The following ROR1 variants were observed in gnomAD, a reference collection of about 807,000 sequenced individuals.
ROR1 encodes ROR family WNT receptor 1, also known as inactive tyrosine-protein kinase transmembrane receptor ROR1.
Under a neutral mutation model 78.8 loss-of-function variants are expected in ROR1, and 19 were observed. That is an observed-to-expected ratio of 0.24 (90% CI 0.17 to 0.35). The LOEUF is 0.35. Among genes scored for constraint, ROR1 ranks in the 10% least tolerant of loss-of-function variants. The probability of loss-of-function intolerance (pLI) is 1.00; values close to 1 mark genes in which losing one functional copy is unlikely to be tolerated. For synonymous variants in ROR1, 386 were observed against 433.6 expected (o/e 0.89, Z 1.36); for missense variants, 917 against 1,177.8 (o/e 0.78, Z 3.24).
At chr1:64,099,296 T>C (rs1235218621) in intron 4 of ROR1, among the ~76,000 whole-genome samples, 2 of 152,146 alleles carry the variant, frequency 1.3e-5, no homozygotes, top group Non-Finnish European at 1.5e-5. Context: ...GATTGATATG[T>C]TAAATCTGTG....
chr1:63,986,891 C>CAA (rs566117923), intron 1 of ROR1, among the ~76,000 whole-genome samples: 2 of 120,218 alleles, frequency 1.7e-5, no homozygotes, highest in Admixed American at 8.9e-5. Context: ...GACCCTGTCT[C>CAA]AAAAAAAAAA....
chr1:64,092,521 A>G (rs1647208063), intron 4 of ROR1, among the ~76,000 whole-genome samples: 1 of 152,156 alleles, frequency 6.6e-6, no homozygotes. Context: ...AGTCTGTCCT[A>G]CAAGGGATGT....
intron 1 of ROR1, among the ~76,000 whole-genome samples, chr1:63,807,260 A>C (rs987050240): frequency 2.0e-4 from 31 of 152,296 alleles, no homozygotes; most frequent in South Asian, 4.1e-4. Flanking sequence ...TGAAATCACT[A>C]ATGATGGGCA....
chr1:64,027,896 C>T (rs911746420), intron 2 of ROR1, among the ~76,000 whole-genome samples: 6 of 152,020 alleles, frequency 3.9e-5, no homozygotes, highest in African/African-American at 1.4e-4. Context: ...CCATGTTGGC[C>T]AGGATAGTCT....
chr1:63,935,954 A>G (rs1049888613), intron 1 of ROR1, among the ~76,000 whole-genome samples: 1 of 152,226 alleles, frequency 6.6e-6, no homozygotes, highest in African/African-American at 2.4e-5. Context: ...AGTCCTTCAA[A>G]TTATGAAAGC....
chr1:64,045,870 C>T (rs926547198), intron 2 of ROR1, among the ~76,000 whole-genome samples: 2 of 152,074 alleles, frequency 1.3e-5, no homozygotes, highest in Admixed American at 6.6e-5. Flanking sequence ...TCCCTTAAGC[C>T]AGACTATACC....
intron 4 of ROR1, among the ~76,000 whole-genome samples, chr1:64,067,955 G>A (rs1436714856): frequency 6.6e-6 from 1 of 152,002 alleles, no homozygotes; most frequent in Non-Finnish European, 1.5e-5. Flanking sequence ...CTCGTGACCT[G>A]CCCACCTTGG....
rs370752726 is a variant in ROR1 at position 63,985,741 on chromosome 1, TTA to T, written c.92-23553_92-23552del. 7.5e-3 allele frequency among the ~76,000 whole-genome samples: 1,136 copies of T among 150,932 alleles called. 3 individuals are homozygous for T. The highest frequency in any genetic ancestry group is 0.012 in the Non-Finnish European group (812 of 67,760). Reference sequence around the variant, plus strand: ...TTAAAAAATAATAATTATTATTATTTTATATATATATAAAGTAAGATTACCTT... The same window carrying T: ...TTAAAAAATAATAATTATTATTATTTTATATATATAAAGTAAGATTACCTT... On this transcript the variant is annotated intron_variant, in intron 1 of 8. Coordinates refer to ENST00000371079, the MANE Select transcript of ROR1 (RefSeq NM_005012.4).
At chr1:63,828,419 A>G (rs1274184414) in intron 1 of ROR1, among the ~76,000 whole-genome samples, 3 of 152,196 alleles carry the variant, frequency 2.0e-5, no homozygotes, top group African/African-American at 7.2e-5. Flanking sequence ...GCCACAGTTC[A>G]TAAACCCCTG....
rs112226936 is a variant in ROR1 at position 64,069,594 on chromosome 1, A to G, written c.482+18878A>G. Among the ~76,000 whole-genome samples, 91 of 152,222 alleles carry G rather than the reference A, an allele frequency of 6.0e-4. 1 individual carries two copies. Among genetic ancestry groups the G allele is most frequent in the African/African-American group, 2.0e-3 (83 of 41,508 alleles). On this transcript the variant is annotated intron_variant, in intron 4 of 8. Transcript: ENST00000371079. ...CATCGTGATTAAAGAGAAAGGGTAA[A>G]TTGCAAAAAGAAACACCACGAAGTT...
At chr1:63,938,821 C>A (rs1645814073) in intron 1 of ROR1, among the ~76,000 whole-genome samples, 1 of 152,038 alleles carries the variant, frequency 6.6e-6, no homozygotes, top group Admixed American at 6.5e-5. Flanking sequence ...CATAGGGAGA[C>A]CCTGTCTCTA....
At chr1:63,924,603 C>T (rs904659652) in intron 1 of ROR1, among the ~76,000 whole-genome samples, 29 of 152,296 alleles carry the variant, frequency 1.9e-4, no homozygotes, top group African/African-American at 7.0e-4. Context: ...TTGAAAAGAG[C>T]TCACTGTGTG....
At chr1:64,011,474 G>A (rs1254774528) in intron 2 of ROR1, among the ~76,000 whole-genome samples, 1 of 152,148 alleles carries the variant, frequency 6.6e-6, no homozygotes, top group East Asian at 1.9e-4. Flanking sequence ...TTCCAGTTAT[G>A]GCAATAGAAA....
chr1:63,813,994 A>T (rs917409506), intron 1 of ROR1, among the ~76,000 whole-genome samples: 1 of 152,136 alleles, frequency 6.6e-6, no homozygotes, highest in African/African-American at 2.4e-5. Context: ...TTCATTGTTT[A>T]TCTCCTTTGT....
At chr1:64,091,533 T>C (rs1258376529) in intron 4 of ROR1, among the ~76,000 whole-genome samples, 1 of 152,174 alleles carries the variant, frequency 6.6e-6, no homozygotes, top group Non-Finnish European at 1.5e-5. Context: ...AAAATCATCC[T>C]TAGCCTGCTG....
chr1:64,084,279 G>A (rs997249603), intron 4 of ROR1, among the ~76,000 whole-genome samples: 3 of 152,176 alleles, frequency 2.0e-5, no homozygotes, highest in African/African-American at 7.2e-5. Context: ...GCTCTCTGAA[G>A]CAAACGTTCT....
intron 4 of ROR1, among the ~76,000 whole-genome samples, chr1:64,079,059 A>C (rs937251667): frequency 1.3e-5 from 2 of 152,176 alleles, no homozygotes; most frequent in Non-Finnish European, 2.9e-5. Context: ...AATGAAGGGA[A>C]GACTTAATAG....
At chr1:63,926,538 CTG>C (rs1463271552) in intron 1 of ROR1, among the ~76,000 whole-genome samples, 1 of 146,524 alleles carries the variant, frequency 6.8e-6, no homozygotes, top group Non-Finnish European at 1.5e-5. Flanking sequence ...TTTTCCAATT[CTG>C]TGAAGAAAGG....
chr1:64,038,644 A>G (rs1273805986), intron 2 of ROR1, among the ~76,000 whole-genome samples: 1 of 152,226 alleles, frequency 6.6e-6, no homozygotes, highest in African/African-American at 2.4e-5. Context: ...TACCACCCTG[A>G]ACATACCCAG....
Sources: allele counts gnomAD v4.1 joint callset (sites outside exome capture counted in the v4.1 genomes callset), GRCh38; gene constraint gnomAD v4.1.1; transcripts MANE v1.5; gene names NCBI Gene and HGNC (gene_info 2026-07-23, HGNC 2026-07-21).